LPP: variants seen among roughly 807,000 people sequenced by gnomAD.
The protein encoded by LPP is LIM domain containing preferred translocation partner in lipoma.
A neutral mutation model predicts 60.4 loss-of-function variants in LPP; 38 were observed. The ratio of observed to expected loss-of-function variants is 0.63; its 90% confidence interval spans 0.49 to 0.83. The LOEUF (loss-of-function observed/expected upper bound fraction) is 0.83. Among genes scored for constraint, LPP ranks in the 40% least tolerant of loss-of-function variants. LPP has a pLI of 0.00. For missense variants in LPP, 902 were observed against 783.6 expected, an observed-to-expected ratio of 1.15 and a Z score of -1.80; for synonymous variants, 328 against 290.8, an observed-to-expected ratio of 1.13 and a Z score of -1.30.
chr3:188,494,789 G>C (rs890827173), intron 5 of LPP, among the ~76,000 whole-genome samples: 2 of 152,120 alleles, frequency 1.3e-5, no homozygotes, highest in Admixed American at 6.5e-5. Context: ...CTGCATGACT[G>C]TAACGTGCTG....
rs55728018 is a variant in LPP, at chr3:188,613,903, TTTTATTTATTTATTTA to T, written c.1113+4083_1113+4098del. ...AGTAGTATGAGAATATTTAAATTAA[TTTTATTTATTTATTTA>T]TTTATTTATTTATTTATTTATTTTT... On this transcript the variant is annotated intron_variant, in intron 7 of 11. Transcript: ENST00000617246. Among the ~76,000 whole-genome samples the T allele has an allele frequency of 8.6e-3, 1,224 of 142,608 alleles. 16 individuals carry two copies. Among genetic ancestry groups the T allele is most frequent in the African/African-American group, 0.029 (1,135 of 38,754 alleles). The allele number at this position is 142,608 out of a possible 152,430, so 93.6% of individuals were successfully genotyped here. A position where few individuals can be genotyped will look rare whatever the true frequency, so the allele number is the denominator to read the frequency against.
At position 188,872,696 on chromosome 3, in the gene LPP, G is replaced by T; in HGVS notation, c.1643G>T (p.Gly548Val). 6.2e-7 allele frequency: 1 copy of T among 1,614,158 alleles called. No homozygotes were observed. Among genetic ancestry groups the T allele is most frequent in the Non-Finnish European group, 8.5e-7 (1 of 1,180,024 alleles). Residue 548 changes from glycine (G) to valine (V), a missense_variant, in exon 11 of 12, where the codon GGC becomes GTC. Gly to Val is a moderately radical substitution (Grantham distance 109). Transcript: ENST00000617246. ...AAGGAGCCTATTATGCCAGCCCCGGGCCAGGAGGAGACTGTCCGTATTGTG... is the reference window on the plus strand; with the variant it reads ...AAGGAGCCTATTATGCCAGCCCCGGTCCAGGAGGAGACTGTCCGTATTGTG... ...VCKEPIMPAP[G>V]QEETVRIVAL...
intron 9 of LPP, among the ~76,000 whole-genome samples, chr3:188,790,512 ATG>A (rs1438245874): frequency 6.6e-6 from 1 of 152,118 alleles, no homozygotes; most frequent in Non-Finnish European, 1.5e-5. Context: ...AAATGAATAA[ATG>A]TGTGTGTGTT....
rs1420224490 is a variant in LPP, at chr3:188,880,429, G to A, written c.*5950G>A. ...TCTGGTTGTTATTTAATTGACAGAAGTCTCTTGATGCACGAATAAATATCT... is the reference window on the plus strand; with the variant it reads ...TCTGGTTGTTATTTAATTGACAGAAATCTCTTGATGCACGAATAAATATCT... On this transcript the variant is annotated 3_prime_UTR_variant, in exon 12 of 12. Transcript: ENST00000617246. The A allele has an allele frequency of 1.1e-5, 2 of 190,122 alleles. No individual in the cohort carries two copies. Among genetic ancestry groups the A allele is most frequent in the African/African-American group, 2.3e-5 (1 of 42,854 alleles). The allele number at this position is 190,122 out of a possible 1,614,324, so 11.8% of individuals were successfully genotyped here.
At chr3:188,191,819 C>T (rs906418020) in intron 1 of LPP, among the ~76,000 whole-genome samples, 6 of 152,158 alleles carry the variant, frequency 3.9e-5, no homozygotes, top group African/African-American at 1.4e-4. Flanking sequence ...CTGTTCTGTT[C>T]CCAAAAGCAT....
intron 7 of LPP, among the ~76,000 whole-genome samples, chr3:188,655,190 G>A (rs1852906947): frequency 6.6e-6 from 1 of 152,110 alleles, no homozygotes; most frequent in African/African-American, 2.4e-5. Flanking sequence ...CTGCTTCCAT[G>A]TTCTAGTCAC....
intron 5 of LPP, among the ~76,000 whole-genome samples, chr3:188,513,343 G>T (rs1427283896): frequency 6.6e-6 from 1 of 152,146 alleles, no homozygotes. Context: ...TAATTTCTTA[G>T]AATTGCTTCA....
chr3:188,465,239 C>G (rs185419798), intron 4 of LPP, among the ~76,000 whole-genome samples: 1 of 152,048 alleles, frequency 6.6e-6, no homozygotes, highest in Non-Finnish European at 1.5e-5. Flanking sequence ...TTCTGGATTA[C>G]TCTGTTTTTA....
At chr3:188,781,819 G>A (rs1739818615) in intron 9 of LPP, among the ~76,000 whole-genome samples, 1 of 151,394 alleles carries the variant, frequency 6.6e-6, no homozygotes, top group African/African-American at 2.4e-5. Context: ...TTGAACCCGG[G>A]AGGCGGACGT....
intron 7 of LPP, among the ~76,000 whole-genome samples, chr3:188,638,236 G>A (rs1849261563): frequency 6.9e-6 from 1 of 144,742 alleles, no homozygotes; most frequent in Non-Finnish European, 1.5e-5. Flanking sequence ...ATGTAATCCA[G>A]CATATAAACA....
intron 9 of LPP, among the ~76,000 whole-genome samples, chr3:188,783,156 C>A (rs1740369911): frequency 6.6e-6 from 1 of 152,072 alleles, no homozygotes; most frequent in African/African-American, 2.4e-5. Flanking sequence ...CATTTGTGCC[C>A]CAGCTTGGCC....
At chr3:188,519,770 C>T (rs1165748094) in intron 5 of LPP, among the ~76,000 whole-genome samples, 1 of 152,098 alleles carries the variant, frequency 6.6e-6, no homozygotes, top group Non-Finnish European at 1.5e-5. Context: ...ACTGATGAAT[C>T]TGGGTGAAGG....
chr3:188,851,702 C>G (rs1298115281), intron 9 of LPP, among the ~76,000 whole-genome samples: 1 of 152,132 alleles, frequency 6.6e-6, no homozygotes, highest in Non-Finnish European at 1.5e-5. Context: ...CTAGAAACAT[C>G]AATTTAAAAA....
At position 188,889,341 on chromosome 3, in the gene LPP, G is replaced by A. The variant is rs1359140392; in HGVS notation, c.*14862G>A. 4.3e-5 allele frequency: 10 copies of A among 231,646 alleles called. No homozygotes were observed. The highest frequency in any genetic ancestry group is 8.5e-5 in the Non-Finnish European group (10 of 117,080). The allele number at this position is 231,646 out of a possible 1,614,324, so 14.3% of individuals were successfully genotyped here. A position where few individuals can be genotyped will look rare whatever the true frequency, so the allele number is the denominator to read the frequency against. ...AGGAGAGGGTCCATGTAAATAGGAC[G>A]AGGTAGACAGTGCATGATTGTAGGA... On this transcript the variant is annotated 3_prime_UTR_variant, in exon 12 of 12. Coordinates refer to ENST00000617246, the MANE Select transcript of LPP (RefSeq NM_001375462.1).
chr3:188,850,296 G>A (rs1448647091), intron 9 of LPP, among the ~76,000 whole-genome samples: 3 of 152,140 alleles, frequency 2.0e-5, no homozygotes, highest in Non-Finnish European at 4.4e-5. Context: ...AAAATTAATA[G>A]GACTTGATAC....
chr3:188,643,374 T>C (rs1264435756), intron 7 of LPP, among the ~76,000 whole-genome samples: 1 of 152,232 alleles, frequency 6.6e-6, no homozygotes, highest in Non-Finnish European at 1.5e-5. Context: ...CTTAGGCTTT[T>C]AGATTCAATT....
chr3:188,653,568 T>C (rs1852520505), intron 7 of LPP, among the ~76,000 whole-genome samples: 1 of 152,102 alleles, frequency 6.6e-6, no homozygotes, highest in African/African-American at 2.4e-5. Context: ...CAGTTTGGAG[T>C]AGAAGACTGA....
intron 7 of LPP, among the ~76,000 whole-genome samples, chr3:188,657,627 G>A (rs58762821): frequency 2.6e-5 from 4 of 151,540 alleles, no homozygotes; most frequent in Admixed American, 2.6e-4. Flanking sequence ...TTTTTTCTTA[G>A]CCTTTCTAGT....
chr3:188,512,928 G>A (rs980436032), intron 5 of LPP, among the ~76,000 whole-genome samples: 2 of 152,066 alleles, frequency 1.3e-5, no homozygotes, highest in African/African-American at 4.8e-5. Context: ...AAAATCAATA[G>A]CAAAATTACC....
Sources: gnomAD v4.1 joint callset for allele counts (sites outside exome capture counted in the v4.1 genomes callset) on GRCh38, gnomAD v4.1.1 for gene constraint, MANE v1.5 for transcripts, NCBI Gene and HGNC (gene_info 2026-07-23, HGNC 2026-07-21) for gene names.